JCAD: variants seen among roughly 807,000 people sequenced by gnomAD.
JCAD encodes the protein junctional cadherin 5 associated, also known as junctional cadherin 5-associated protein.
JCAD carries 40 observed loss-of-function variants against 98.0 expected under a neutral mutation model. That is an observed-to-expected ratio of 0.41 (90% CI 0.32 to 0.53). JCAD has a LOEUF of 0.53. Among genes scored for constraint, JCAD ranks in the 20% least tolerant of loss-of-function variants. The probability of loss-of-function intolerance (pLI) is 0.31; values close to 1 mark genes in which losing one functional copy is unlikely to be tolerated. For synonymous variants in JCAD, 691 were observed against 682.3 expected (o/e 1.01, Z -0.20); for missense variants, 1,705 against 1,738.1 (o/e 0.98, Z 0.34).
In JCAD at chr10:30,113,663, G is replaced by C. The variant is rs147886202; in HGVS notation, n.128+1704C>G. Among the ~76,000 whole-genome samples the C allele has an allele frequency of 4.9e-3, 734 of 149,860 alleles. 10 individuals carry two copies. In the Middle Eastern group the frequency reaches 0.052, roughly 11 times the overall value. On this transcript the variant is annotated intron_variant and non_coding_transcript_variant, in intron 1 of 2. Coordinates refer to the JCAD transcript ENST00000465712. ...AGAACCTGGCTCCACCCTCCTCATAGGGCGACTTCTGGGCCCACCTCCCTC... is the reference window on the plus strand; with the variant it reads ...AGAACCTGGCTCCACCCTCCTCATACGGCGACTTCTGGGCCCACCTCCCTC...
chr10:30,034,754 C>T (rs915616121), intron 2 of JCAD, among the ~76,000 whole-genome samples: 1 of 152,166 alleles, frequency 6.6e-6, no homozygotes, highest in African/African-American at 2.4e-5. Flanking sequence ...TCTTCAGCAC[C>T]TACTGTCTAT....
At chr10:30,018,535 C>A (rs1211479235) in intron 3 of JCAD, among the ~76,000 whole-genome samples, 1 of 152,160 alleles carries the variant, frequency 6.6e-6, no homozygotes, top group African/African-American at 2.4e-5. Flanking sequence ...GAGTCTGGCC[C>A]CTCACGCACT....
chr10:30,102,455 G>A (rs1465376630), intron 1 of JCAD, among the ~76,000 whole-genome samples: 1 of 152,174 alleles, frequency 6.6e-6, no homozygotes, highest in Non-Finnish European at 1.5e-5. Flanking sequence ...ACAGGCGTGA[G>A]CCACTGCACC....
At chr10:30,107,814 G>T (rs1838613378) in intron 1 of JCAD, among the ~76,000 whole-genome samples, 1 of 152,054 alleles carries the variant, frequency 6.6e-6, no homozygotes, top group South Asian at 2.1e-4. Context: ...ATCCAAGGAA[G>T]TCAATCCTGA....
At chr10:30,076,434 G>A (rs1333265970) in intron 1 of JCAD, among the ~76,000 whole-genome samples, 1 of 152,192 alleles carries the variant, frequency 6.6e-6, no homozygotes, top group East Asian at 1.9e-4. Context: ...GGTGTTTGCT[G>A]AGTGTAGAAA....
chr10:30,088,417 C>T lies in JCAD; in HGVS notation n.129-18596G>A, dbSNP rs1288851299. Reference sequence around the variant, plus strand: ...GCCAAAGCTGTAGGAGTTCTCACTGCAGGCCTCCTGATTCTTTTGTTTACT... The same window carrying T: ...GCCAAAGCTGTAGGAGTTCTCACTGTAGGCCTCCTGATTCTTTTGTTTACT... On this transcript the variant is annotated intron_variant and non_coding_transcript_variant, in intron 1 of 2. Transcript: ENST00000465712. Among the ~76,000 whole-genome samples the T allele has an allele frequency of 2.6e-5, 4 of 152,120 alleles. No individual in the cohort carries two copies. In the East Asian group the frequency reaches 7.7e-4, roughly 29 times the overall value.
rs190752711 is a variant in JCAD at position 30,032,995 on chromosome 10, C to T, written c.282-3129G>A. On this transcript the variant is annotated intron_variant, in intron 2 of 3. Coordinates refer to ENST00000375377, the MANE Select transcript of JCAD (RefSeq NM_020848.4). Reference sequence around the variant, plus strand: ...GCTTAATACTAACATCTACTGGGCACCCATGCTGTACCATGCATGGTGCTA... The same window carrying T: ...GCTTAATACTAACATCTACTGGGCATCCATGCTGTACCATGCATGGTGCTA... 1.3e-4 allele frequency among the ~76,000 whole-genome samples: 20 copies of T among 152,242 alleles called. No homozygotes were observed. The East Asian group carries it at 3.7e-3, about 28-fold the overall frequency.
intron 3 of JCAD, among the ~76,000 whole-genome samples, chr10:30,019,218 A>G (rs1388830794): frequency 6.6e-6 from 1 of 152,008 alleles, no homozygotes; most frequent in Non-Finnish European, 1.5e-5. Flanking sequence ...TTAACCAGGC[A>G]TGGTGGTACG....
chr10:30,045,166 G>C (rs966837464), intron 2 of JCAD, among the ~76,000 whole-genome samples: 1 of 152,014 alleles, frequency 6.6e-6, no homozygotes, highest in Non-Finnish European at 1.5e-5. Context: ...CCACACAAGG[G>C]GCTAGAAAGT....
chr10:30,055,718 T>G (rs1837557839), intron 1 of JCAD, among the ~76,000 whole-genome samples: 1 of 152,198 alleles, frequency 6.6e-6, no homozygotes, highest in South Asian at 2.1e-4. Flanking sequence ...TAGGTTTCTT[T>G]AAGGTGACAA....
chr10:30,103,464 A>G (rs1838504462), intron 1 of JCAD, among the ~76,000 whole-genome samples: 1 of 152,258 alleles, frequency 6.6e-6, no homozygotes, highest in South Asian at 2.1e-4. Context: ...ATTCAGATTC[A>G]TACACTTAAG....
chr10:30,062,639 T>C (rs1837716695), upstream of JCAD, among the ~76,000 whole-genome samples: 1 of 152,096 alleles, frequency 6.6e-6, no homozygotes, highest in African/African-American at 2.4e-5. Flanking sequence ...TGGGGAGGCA[T>C]CACAATCACG....
chr10:30,094,235 A>G, intron 1 of JCAD, among the ~76,000 whole-genome samples: 1 of 152,066 alleles, frequency 6.6e-6, no homozygotes, highest in East Asian at 1.9e-4. Context: ...TGAGGTCAGG[A>G]GTTCGAGACC....
intron 1 of JCAD, among the ~76,000 whole-genome samples, chr10:30,053,203 G>A (rs1365388789): frequency 1.3e-5 from 2 of 151,804 alleles, no homozygotes; most frequent in East Asian, 3.9e-4. Context: ...CTGTTTGTGT[G>A]TGTATAAATG....
At chr10:30,090,878 C>T (rs753589800) in intron 1 of JCAD, among the ~76,000 whole-genome samples, 2 of 152,148 alleles carry the variant, frequency 1.3e-5, no homozygotes, top group Non-Finnish European at 2.9e-5. Context: ...CCAAACCCCA[C>T]GGCAGGATTA....
chr10:30,045,600 C>T (rs1837318564), intron 2 of JCAD, among the ~76,000 whole-genome samples: 1 of 152,202 alleles, frequency 6.6e-6, no homozygotes, highest in Admixed American at 6.5e-5. Context: ...GTGGTAGTCA[C>T]TAAGGTTATC....
At chr10:30,038,334 A>G (rs1241651816) in intron 2 of JCAD, among the ~76,000 whole-genome samples, 2 of 152,072 alleles carry the variant, frequency 1.3e-5, no homozygotes, top group African/African-American at 4.8e-5. Flanking sequence ...CTGGGAGACT[A>G]CTCATGCAAG....
At chr10:30,087,145 G>A (rs897576697) in intron 1 of JCAD, among the ~76,000 whole-genome samples, 1 of 152,114 alleles carries the variant, frequency 6.6e-6, no homozygotes. Flanking sequence ...GCAACCGATT[G>A]TCAAGTCTGG....
At chr10:30,072,036 A>G (rs12770117) in intron 1 of JCAD, among the ~76,000 whole-genome samples, 6,594 of 152,210 alleles carry the variant, frequency 0.043, 190 homozygotes, top group South Asian at 0.11. Context: ...TGGTATTTCA[A>G]TAGTTTTAAG....
Sources: allele counts gnomAD v4.1 joint callset (sites outside exome capture counted in the v4.1 genomes callset), GRCh38; gene constraint gnomAD v4.1.1; transcripts MANE v1.5; gene names NCBI Gene and HGNC (gene_info 2026-07-23, HGNC 2026-07-21).